Variants in CEP70 observed in about 807,000 individuals in gnomAD.
CEP70 encodes centrosomal protein 70, also known as centrosomal protein of 70 kDa.
In CEP70, 70 loss-of-function variants were observed where a neutral mutation model predicts 90.9. That is an observed-to-expected ratio of 0.77 (90% CI 0.64 to 0.94). The LOEUF is 0.94. Ranked by LOEUF, CEP70 falls within the 40% of genes least tolerant of loss-of-function variation. CEP70 has a pLI of 0.00. For missense variants in CEP70, 648 were observed against 669.0 expected (o/e 0.97, Z 0.35); for synonymous variants, 220 against 228.3 (o/e 0.96, Z 0.33).
intron 17 of CEP70, chr3:138,495,824 C>A (rs2033919431): frequency 1.1e-6 from 1 of 947,070 alleles, no homozygotes; most frequent in African/African-American, 1.8e-5. Flanking sequence ...TGCACTCTGG[C>A]CTGGGTGACA....
chr3:138,540,091 T>C (rs903254490), intron 6 of CEP70, among the ~76,000 whole-genome samples: 14 of 151,972 alleles, frequency 9.2e-5, no homozygotes, highest in Non-Finnish European at 1.9e-4. Context: ...CCAGCATCTA[T>C]AAGGAACTAA....
At chr3:138,567,143 CTGAAT>C (rs1560427307) in intron 6 of CEP70, among the ~76,000 whole-genome samples, 1 of 152,182 alleles carries the variant, frequency 6.6e-6, no homozygotes, top group African/African-American at 2.4e-5. Context: ...CCCATGCCAA[CTGAAT>C]TGTCTTTTCC....
chr3:138,541,099 G>A (rs2038724920), intron 6 of CEP70, among the ~76,000 whole-genome samples: 1 of 152,084 alleles, frequency 6.6e-6, no homozygotes, highest in South Asian at 2.1e-4. Context: ...GGTGGGAGAA[G>A]GAAGAGAAGG....
At chr3:138,526,361 A>G (rs1319358988) in intron 10 of CEP70, among the ~76,000 whole-genome samples, 1 of 118,950 alleles carries the variant, frequency 8.4e-6, no homozygotes, top group African/African-American at 3.6e-5. Context: ...ACAGGGTTTC[A>G]CCAAGTTGGC....
chr3:138,547,786 G>C (rs543598613), intron 6 of CEP70, among the ~76,000 whole-genome samples: 6 of 152,320 alleles, frequency 3.9e-5, no homozygotes, highest in African/African-American at 1.4e-4. Context: ...GGATAAGGTG[G>C]AAAAGGGATG....
chr3:138,498,404 C>G (rs2034147295), intron 16 of CEP70, among the ~76,000 whole-genome samples: 1 of 146,668 alleles, frequency 6.8e-6, no homozygotes, highest in Non-Finnish European at 1.5e-5. Flanking sequence ...GTGGCGCTGT[C>G]TCGGCTCACT....
intron 14 of CEP70, 73 bp from the exon 15 acceptor site, chr3:138,500,640 CA>C: frequency 6.6e-7 from 1 of 1,505,290 alleles, no homozygotes; most frequent in Non-Finnish European, 8.9e-7. Flanking sequence ...TTTTAAAAGA[CA>C]AATAGAACTC....
intron 6 of CEP70, among the ~76,000 whole-genome samples, chr3:138,539,575 C>T (rs1441901236): frequency 1.3e-5 from 2 of 151,934 alleles, no homozygotes; most frequent in Non-Finnish European, 2.9e-5. Context: ...CAGACTGGAT[C>T]AAGCAGAGGA....
At position 138,500,628 on chromosome 3, in the gene CEP70, A is replaced by T. The variant is rs1353180046; in HGVS notation, c.1369-61T>A. 2.0e-6 allele frequency: 3 copies of T among 1,522,292 alleles called. No homozygotes were observed. The African/African-American group carries it at 4.2e-5, about 21-fold the overall frequency. 94.3% of individuals were successfully genotyped at this position (1,522,292 alleles called of 1,614,324 possible). A position where few individuals can be genotyped will look rare whatever the true frequency, so the allele number is the denominator to read the frequency against. On this transcript the variant is annotated intron_variant, in intron 14 of 17. Transcript: ENST00000264982. The stretch of plus-strand genomic sequence containing the variant: ...TATCTTAAAATAATCCCAAATAAAA[A>T]CTTTTAAAAGACAAATAGAACTCTA...
At chr3:138,521,960 G>C (rs892518395) in intron 11 of CEP70, among the ~76,000 whole-genome samples, 6 of 152,196 alleles carry the variant, frequency 3.9e-5, no homozygotes, top group Non-Finnish European at 7.3e-5. Context: ...TCTGCCTTGG[G>C]ATGCTGTTAA....
At chr3:138,534,694 T>C (rs890691399) in intron 7 of CEP70, among the ~76,000 whole-genome samples, 1 of 152,222 alleles carries the variant, frequency 6.6e-6, no homozygotes, top group Admixed American at 6.5e-5. Flanking sequence ...CTCTTCTTTC[T>C]CTATATGGAC....
Position 138,537,161 on chromosome 3 carries a change from T to G in CEP70, c.635+17A>C. 1.4e-6 allele frequency: 2 copies of G among 1,477,630 alleles called. No individual in the cohort carries two copies. Among genetic ancestry groups the G allele is most frequent in the East Asian group, 5.1e-5 (2 of 39,510 alleles). 91.5% of individuals were successfully genotyped at this position (1,477,630 alleles called of 1,614,324 possible). A position where few individuals can be genotyped will look rare whatever the true frequency, so the allele number is the denominator to read the frequency against. On this transcript the variant is annotated intron_variant, in intron 7 of 17. Transcript: ENST00000264982. ...ACAATGAATCTAGCTACATATCAATTTATGTAGCAAAATTACTGTCTATCC... is the reference window on the plus strand; with the variant it reads ...ACAATGAATCTAGCTACATATCAATGTATGTAGCAAAATTACTGTCTATCC...
At chr3:138,540,362 A>T (rs1289347805) in intron 6 of CEP70, among the ~76,000 whole-genome samples, 1 of 151,954 alleles carries the variant, frequency 6.6e-6, no homozygotes, top group African/African-American at 2.4e-5. Context: ...GTGGTGGCGC[A>T]TGCCTGTAGT....
At chr3:138,524,741 G>A (rs1224649053) in intron 11 of CEP70, among the ~76,000 whole-genome samples, 39 of 151,784 alleles carry the variant, frequency 2.6e-4, no homozygotes, top group Admixed American at 7.2e-4. Context: ...TTAGAATGGC[G>A]ATCATTAAAA....
At chr3:138,514,021 T>C (rs959517849) in intron 11 of CEP70, among the ~76,000 whole-genome samples, 4 of 151,994 alleles carry the variant, frequency 2.6e-5, no homozygotes, top group Non-Finnish European at 5.9e-5. Context: ...CCCTCTTCCA[T>C]TTTCTTGTAG....
intron 6 of CEP70, among the ~76,000 whole-genome samples, chr3:138,548,938 C>A (rs1257763314): frequency 6.6e-6 from 1 of 152,162 alleles, no homozygotes; most frequent in East Asian, 1.9e-4. Flanking sequence ...CATACCCTCA[C>A]TGGGGAACCT....
intron 11 of CEP70, among the ~76,000 whole-genome samples, chr3:138,515,612 A>G (rs7645920): frequency 0.54 from 82,628 of 151,994 alleles, 24,055 homozygotes; most frequent in African/African-American, 0.76. Flanking sequence ...ATTATTTGCC[A>G]CTGTGTACAT....
intron 2 of CEP70, among the ~76,000 whole-genome samples, chr3:138,575,494 T>C (rs546764): frequency 2.6e-5 from 4 of 152,188 alleles, no homozygotes; most frequent in Non-Finnish European, 4.4e-5. Flanking sequence ...CCAAAAGTGA[T>C]GGGGGGAATG....
chr3:138,563,163 T>A (rs1188309804), intron 6 of CEP70, among the ~76,000 whole-genome samples: 1 of 152,066 alleles, frequency 6.6e-6, no homozygotes, highest in Admixed American at 6.6e-5. Context: ...CCTAAATATA[T>A]ATGCACCCAA....
Sources: allele counts gnomAD v4.1 joint callset (sites outside exome capture counted in the v4.1 genomes callset), GRCh38; gene constraint gnomAD v4.1.1; transcripts MANE v1.5; gene names NCBI Gene and HGNC (gene_info 2026-07-23, HGNC 2026-07-21).